The following SLCO1A2 variants were observed in gnomAD, a reference collection of about 807,000 sequenced individuals.
SLCO1A2 encodes the protein OATP-1.
A neutral mutation model predicts 69.0 loss-of-function variants in SLCO1A2; 67 were observed. That is an observed-to-expected ratio of 0.97 (90% CI 0.80 to 1.19). SLCO1A2 has a LOEUF of 1.19. Among genes scored for constraint, SLCO1A2 ranks in the 50% most tolerant of loss-of-function variants. The pLI is 0.00. For missense variants in SLCO1A2, 787 were observed against 793.7 expected (o/e 0.99, Z 0.10); for synonymous variants, 260 against 265.9 (o/e 0.98, Z 0.22).
At chr12:21,315,236 C>A (rs1950725036) in intron 3 of SLCO1A2, among the ~76,000 whole-genome samples, 1 of 152,010 alleles carries the variant, frequency 6.6e-6, no homozygotes, top group South Asian at 2.1e-4. Flanking sequence ...CTAGATCAGA[C>A]AATGCAGTGA....
intron 12 of SLCO1A2, among the ~76,000 whole-genome samples, chr12:21,290,512 T>C (rs1236176560): frequency 6.6e-6 from 1 of 152,088 alleles, no homozygotes; most frequent in African/African-American, 2.4e-5. Context: ...GACTCACTAA[T>C]TATAAAAACT....
chr12:21,363,556 T>A (rs1275582829), intron 2 of SLCO1A2, among the ~76,000 whole-genome samples: 2 of 152,042 alleles, frequency 1.3e-5, no homozygotes, highest in African/African-American at 4.8e-5. Flanking sequence ...AGAGCAGAAC[T>A]GAAGTAGATA....
At chr12:21,400,075 C>A (rs1941636016), upstream of SLCO1A2, among the ~76,000 whole-genome samples, 1 of 151,682 alleles carries the variant, frequency 6.6e-6, no homozygotes, top group Non-Finnish European at 1.5e-5. Context: ...AAACTACCAT[C>A]AGAGTGAACA....
At chr12:21,379,086 G>C (rs1940419131) in intron 1 of SLCO1A2, 1 of 152,044 alleles carries the variant, frequency 6.6e-6, no homozygotes, top group African/African-American at 2.4e-5. Context: ...AAAAAAGAAA[G>C]AAAATTAGTA....
At chr12:21,328,697 G>C (rs1262854746) in intron 2 of SLCO1A2, among the ~76,000 whole-genome samples, 1 of 152,072 alleles carries the variant, frequency 6.6e-6, no homozygotes, top group Non-Finnish European at 1.5e-5. Context: ...TTGGCCTTTG[G>C]AGTATTCTGT....
chr12:21,313,526 A>T (rs963756821), intron 4 of SLCO1A2, among the ~76,000 whole-genome samples: 1 of 152,206 alleles, frequency 6.6e-6, no homozygotes, highest in Non-Finnish European at 1.5e-5. Context: ...AGCCTGGCCA[A>T]CTTGGGGAAA....
chr12:21,312,786 A>G (rs995217994), intron 4 of SLCO1A2, among the ~76,000 whole-genome samples: 60 of 152,276 alleles, frequency 3.9e-4, no homozygotes, highest in African/African-American at 1.4e-3. Flanking sequence ...TACATTCACC[A>G]TCTTAAGACC....
chr12:21,278,306 G>A (rs994887291), intron 12 of SLCO1A2, among the ~76,000 whole-genome samples: 1 of 152,134 alleles, frequency 6.6e-6, no homozygotes, highest in African/African-American at 2.4e-5. Context: ...CCTTCCTGGG[G>A]ACTGGGAAAA....
At chr12:21,312,962 T>A (rs995438318) in intron 4 of SLCO1A2, among the ~76,000 whole-genome samples, 1 of 152,094 alleles carries the variant, frequency 6.6e-6, no homozygotes, top group Non-Finnish European at 1.5e-5. Flanking sequence ...GGCACATGCC[T>A]GTAGTTTCAG....
At chr12:21,348,117 T>C (rs1937646172) in intron 2 of SLCO1A2, among the ~76,000 whole-genome samples, 1 of 152,180 alleles carries the variant, frequency 6.6e-6, no homozygotes, top group Non-Finnish European at 1.5e-5. Flanking sequence ...AAAACATTTT[T>C]GTGAGTACAT....
intron 12 of SLCO1A2, among the ~76,000 whole-genome samples, chr12:21,288,757 TC>T (rs1414511492): frequency 6.6e-6 from 1 of 151,992 alleles, no homozygotes; most frequent in African/African-American, 2.4e-5. Flanking sequence ...CATGCCTGTA[TC>T]AGAATATCTC....
intron 1 of SLCO1A2, among the ~76,000 whole-genome samples, chr12:21,413,246 T>C (rs1381006818): frequency 7.0e-6 from 1 of 142,118 alleles, no homozygotes; most frequent in Non-Finnish European, 1.5e-5. Flanking sequence ...TCTTTTTTTT[T>C]TTTTTTTTTT....
intron 4 of SLCO1A2, among the ~76,000 whole-genome samples, chr12:21,313,666 TG>T (rs1950494079): frequency 6.6e-6 from 1 of 151,998 alleles, no homozygotes; most frequent in East Asian, 1.9e-4. Flanking sequence ...AACCGGGAGA[TG>T]GCGCCACTGC....
chr12:21,377,032 T>A (rs964053729), intron 1 of SLCO1A2, among the ~76,000 whole-genome samples: 1 of 152,186 alleles, frequency 6.6e-6, no homozygotes, highest in Non-Finnish European at 1.5e-5. Flanking sequence ...AGAGTTGGTA[T>A]ACAAATAAAT....
At chr12:21,347,449 C>A (rs1953290922) in intron 2 of SLCO1A2, among the ~76,000 whole-genome samples, 2 of 152,058 alleles carry the variant, frequency 1.3e-5, no homozygotes, top group Non-Finnish European at 2.9e-5. Flanking sequence ...AGTTCAAGAC[C>A]AGCCTAGCCA....
In SLCO1A2 at chr12:21,371,156, T is replaced by C. The variant is rs112015315; in HGVS notation, c.-63+3243A>G. 1.0e-3 allele frequency among the ~76,000 whole-genome samples: 157 copies of C among 152,324 alleles called. 1 individual carries two copies. Among genetic ancestry groups the C allele is most frequent in the African/African-American group, 3.6e-3 (149 of 41,580 alleles). On this transcript the variant is annotated intron_variant, in intron 2 of 15. Coordinates refer to the SLCO1A2 transcript ENST00000307378. Reference sequence around the variant, plus strand: ...AAGTGGTAGTAATTTTTGGGTCATCTGGTCATTGCCCTGGAAAGAGGCAGT... The same window carrying C: ...AAGTGGTAGTAATTTTTGGGTCATCCGGTCATTGCCCTGGAAAGAGGCAGT...
intron 2 of SLCO1A2, among the ~76,000 whole-genome samples, chr12:21,350,835 CAAAAAA>C (rs11454466): frequency 1.5e-4 from 6 of 40,730 alleles, no homozygotes; most frequent in African/African-American, 2.0e-4. Context: ...GACTCTGTCT[CAAAAAA>C]AAAAAAAAAA....
chr12:21,312,801 C>T lies in SLCO1A2; in HGVS notation c.335+1748G>A, dbSNP rs142610595. On this transcript the variant is annotated intron_variant, in intron 4 of 14. Transcript: ENST00000683939. The stretch of plus-strand genomic sequence containing the variant: ...TACATTCACCATCTTAAGACCAGCA[C>T]GGTGGCTCACACCTGTAATCCCAAC... Among the ~76,000 whole-genome samples the T allele has an allele frequency of 5.7e-4, 86 of 152,190 alleles. No homozygotes were observed. In the East Asian group the frequency reaches 0.015, roughly 26 times the overall value.
chr12:21,276,742 A>G (rs574259621), intron 12 of SLCO1A2, among the ~76,000 whole-genome samples: 1 of 152,230 alleles, frequency 6.6e-6, no homozygotes, highest in East Asian at 1.9e-4. Context: ...TGGGAGAGGG[A>G]GAATGCAGTG....
Sources: allele counts gnomAD v4.1 joint callset (sites outside exome capture counted in the v4.1 genomes callset), GRCh38; gene constraint gnomAD v4.1.1; transcripts MANE v1.5; gene names NCBI Gene and HGNC (gene_info 2026-07-23, HGNC 2026-07-21).